The following GPC5 variants were observed in gnomAD, a reference collection of about 807,000 sequenced individuals.
GPC5 encodes the protein glypican-5.
GPC5 carries 47 observed loss-of-function variants against 53.9 expected under a neutral mutation model. The observed-to-expected ratio is 0.87, with a 90% CI of 0.69 to 1.11. The LOEUF is 1.11. Ranked by LOEUF, GPC5 falls within the 50% of genes most tolerant of loss-of-function variation. The pLI is 0.00. For missense variants in GPC5, 748 were observed against 713.1 expected (o/e 1.05, Z -0.56); for synonymous variants, 286 against 263.3 (o/e 1.09, Z -0.84).
intron 3 of GPC5, among the ~76,000 whole-genome samples, chr13:91,709,451 G>T (rs1003233339): frequency 2.6e-5 from 4 of 152,012 alleles, no homozygotes; most frequent in Non-Finnish European, 5.9e-5. Flanking sequence ...TTAGCATTCG[G>T]TCTTCTCTCA....
intron 1 of GPC5, among the ~76,000 whole-genome samples, chr13:91,444,154 G>A (rs980076715): frequency 4.6e-5 from 7 of 151,694 alleles, no homozygotes; most frequent in Middle Eastern, 3.2e-3. Flanking sequence ...AAGGCATTAC[G>A]TTTGTGTGAT....
chr13:92,266,291 A>G (rs2042802059), intron 7 of GPC5, among the ~76,000 whole-genome samples: 1 of 152,018 alleles, frequency 6.6e-6, no homozygotes, highest in South Asian at 2.1e-4. Context: ...AGTTCACTTT[A>G]TTTCTTAGAT....
intron 7 of GPC5, among the ~76,000 whole-genome samples, chr13:92,274,415 T>C (rs550558177): frequency 2.0e-5 from 3 of 152,282 alleles, no homozygotes; most frequent in Non-Finnish European, 4.4e-5. Context: ...ACCCTCTCCA[T>C]GAGGCATGCA....
rs2041527287 is a variant in GPC5, at chr13:92,108,450, G to A, written c.1402-36380G>A. 2.6e-5 allele frequency among the ~76,000 whole-genome samples: 4 copies of A among 152,130 alleles called. No individual in the cohort carries two copies. In the South Asian group the frequency reaches 8.3e-4, roughly 32 times the overall value. ...TAGGCTCATTCCCATATAGAAAGGA[G>A]CCTGCAGGGCTGGGATTTTACCCTA... is the stretch of plus-strand genomic sequence containing the variant. On this transcript the variant is annotated intron_variant, in intron 6 of 7. Transcript: ENST00000377067.
intron 7 of GPC5, among the ~76,000 whole-genome samples, chr13:92,297,452 A>G (rs1389627189): frequency 7.4e-6 from 1 of 135,448 alleles, no homozygotes; most frequent in East Asian, 2.3e-4. Flanking sequence ...TAGCTCAAGG[A>G]TTGTAAATAC....
chr13:91,559,086 T>G (rs1373662954), intron 2 of GPC5, among the ~76,000 whole-genome samples: 1 of 152,054 alleles, frequency 6.6e-6, no homozygotes, highest in East Asian at 1.9e-4. Flanking sequence ...GAGCCATATT[T>G]AAAAAGATTG....
intron 7 of GPC5, among the ~76,000 whole-genome samples, chr13:92,356,768 A>G (rs920237408): frequency 1.3e-4 from 20 of 152,196 alleles, no homozygotes; most frequent in South Asian, 2.1e-4. Context: ...AAACTTGTAG[A>G]TAAACTTCAC....
intron 6 of GPC5, among the ~76,000 whole-genome samples, chr13:92,050,281 G>T (rs2041016645): frequency 6.6e-6 from 1 of 151,830 alleles, no homozygotes. Context: ...GTTTTGTTTT[G>T]TCTTGGGATA....
At chr13:92,615,632 A>G (rs1297494502) in intron 7 of GPC5, among the ~76,000 whole-genome samples, 1 of 152,228 alleles carries the variant, frequency 6.6e-6, no homozygotes, top group East Asian at 1.9e-4. Context: ...TAAAAAATAC[A>G]GCAAATCCAG....
chr13:92,169,696 C>A, intron 7 of GPC5, among the ~76,000 whole-genome samples: 1 of 151,692 alleles, frequency 6.6e-6, no homozygotes, highest in African/African-American at 2.4e-5. Flanking sequence ...GTATTTTTTC[C>A]AGAAGGTAGT....
chr13:92,459,697 A>G (rs1027574210), intron 7 of GPC5, among the ~76,000 whole-genome samples: 3 of 152,262 alleles, frequency 2.0e-5, no homozygotes, highest in South Asian at 2.1e-4. Context: ...AATTTTCTAC[A>G]TGTATGTTTT....
At chr13:91,529,178 C>A (rs1886223030) in intron 2 of GPC5, among the ~76,000 whole-genome samples, 1 of 152,190 alleles carries the variant, frequency 6.6e-6, no homozygotes, top group Non-Finnish European at 1.5e-5. Context: ...TAACTATTTG[C>A]ACACCTTAGA....
chr13:92,112,714 T>A (rs1404711023), intron 6 of GPC5, among the ~76,000 whole-genome samples: 1 of 152,040 alleles, frequency 6.6e-6, no homozygotes, highest in African/African-American at 2.4e-5. Flanking sequence ...TAACAGTCAT[T>A]TGTGTCCATG....
At chr13:91,990,757 G>T (rs1469535010) in intron 6 of GPC5, among the ~76,000 whole-genome samples, 1 of 152,128 alleles carries the variant, frequency 6.6e-6, no homozygotes, top group Non-Finnish European at 1.5e-5. Context: ...TCACCAGGAG[G>T]CATTTTCCTT....
intron 7 of GPC5, among the ~76,000 whole-genome samples, chr13:92,714,290 G>A (rs1888252589): frequency 6.6e-6 from 1 of 152,122 alleles, no homozygotes; most frequent in Admixed American, 6.5e-5. Flanking sequence ...TAAGAATACA[G>A]ATTTTATGGC....
At chr13:91,427,004 C>T (rs116102420) in intron 1 of GPC5, among the ~76,000 whole-genome samples, 163 of 152,276 alleles carry the variant, frequency 1.1e-3, no homozygotes, top group African/African-American at 3.7e-3. Flanking sequence ...GTATTGGACC[C>T]GTGGATGGGA....
chr13:91,755,096 G>T (rs1177205361), intron 4 of GPC5, among the ~76,000 whole-genome samples: 1 of 151,946 alleles, frequency 6.6e-6, no homozygotes, highest in Non-Finnish European at 1.5e-5. Context: ...TGTCCAGCCT[G>T]GGCAGCATAG....
chr13:92,579,593 A>G (rs1442956978), intron 7 of GPC5, among the ~76,000 whole-genome samples: 1 of 152,042 alleles, frequency 6.6e-6, no homozygotes, highest in Non-Finnish European at 1.5e-5. Flanking sequence ...ACCAGTGGGA[A>G]GTTAATTTAT....
chr13:91,428,503 C>T (rs776562658), intron 1 of GPC5, among the ~76,000 whole-genome samples: 3 of 152,132 alleles, frequency 2.0e-5, no homozygotes, highest in Non-Finnish European at 2.9e-5. Context: ...TCAGGGGCTG[C>T]GTGCACCAAA....
Sources: gnomAD v4.1 joint callset for allele counts (sites outside exome capture counted in the v4.1 genomes callset) on GRCh38, gnomAD v4.1.1 for gene constraint, MANE v1.5 for transcripts, NCBI Gene and HGNC (gene_info 2026-07-23, HGNC 2026-07-21) for gene names.